HEATR1: variants seen among roughly 807,000 people sequenced by gnomAD.
HEATR1 encodes the protein HEAT repeat-containing protein 1.
HEATR1 carries 77 observed loss-of-function variants against 248.2 expected under a neutral mutation model. The ratio of observed to expected loss-of-function variants is 0.31; its 90% CI spans 0.26 to 0.37. The LOEUF is 0.37. HEATR1 is among the 10% of genes least tolerant of loss of function. The pLI is 1.00. For missense variants in HEATR1, 2,420 were observed against 2,504.9 expected, an observed-to-expected ratio of 0.97 and a Z score of 0.72; for synonymous variants, 897 against 923.1, an observed-to-expected ratio of 0.97 and a Z score of 0.51.
chr1:236,586,291 G>T lies in HEATR1; in HGVS notation c.1877C>A (p.Ser626Ter). ...GTGCAGGGAGCAGATTCCTGATTTT[G>T]ATAAATATATAGCAATTTTCATCTC... ...SAEMKIAIYL[S>*]KSGICSLHPL... Residue 626 changes from serine (S) to a stop codon, truncating the protein, a stop_gained, in exon 15 of 45, where the codon TCA becomes TAA. Transcript: ENST00000366582. LOFTEE classifies it high-confidence loss of function. 6.2e-7 allele frequency: 1 copy of T among 1,613,296 alleles called. No homozygotes were observed. The highest frequency in any genetic ancestry group is 8.5e-7 in the Non-Finnish European group (1 of 1,179,584).
intron 42 of HEATR1, 66 bp from the exon 43 acceptor site, chr1:236,553,805 T>C: frequency 2.1e-6 from 3 of 1,463,332 alleles, no homozygotes; most frequent in Non-Finnish European, 1.9e-6. Context: ...TGAAAAAATA[T>C]CCAACATACA....
At chr1:236,578,127 G>A (rs57281383) in intron 20 of HEATR1, among the ~76,000 whole-genome samples, 10,277 of 152,200 alleles carry the variant, frequency 0.068, 514 homozygotes, top group East Asian at 0.14. Flanking sequence ...TTTAGAGGGA[G>A]AGATCATATG....
intron 11 of HEATR1, 78 bp downstream of exon 11, chr1:236,591,915 A>C: frequency 1.2e-6 from 1 of 843,084 alleles, no homozygotes; most frequent in Non-Finnish European, 1.9e-6. Context: ...AAAAAGTGGC[A>C]AATTTCCTTC....
At chr1:236,587,316 T>TA (rs927416077) in intron 14 of HEATR1, 86 bp downstream of exon 14, 44,447 of 445,656 alleles carry the variant, frequency 0.1, 9 homozygotes, top group East Asian at 0.15. Context: ...ATCAAAGCCT[T>TA]AAAAAAAAAA....
intron 9 of HEATR1, among the ~76,000 whole-genome samples, chr1:236,593,221 C>G (rs1264280642): frequency 2.0e-5 from 3 of 151,470 alleles, no homozygotes; most frequent in African/African-American, 7.3e-5. Context: ...GGAAAAGAAA[C>G]TAGAGTGTAA....
intron 11 of HEATR1, among the ~76,000 whole-genome samples, 157 bp from the exon 12 acceptor site, chr1:236,591,111 T>C (rs1454245904): frequency 3.1e-5 from 4 of 129,356 alleles, no homozygotes; most frequent in Non-Finnish European, 6.8e-5. Flanking sequence ...AATCTTTGTT[T>C]CTAGAACATC....
intron 44 of HEATR1, 31 bp downstream of exon 44, chr1:236,551,968 G>A (rs1433816222): frequency 1.5e-6 from 2 of 1,361,610 alleles, no homozygotes; most frequent in Non-Finnish European, 2.1e-6. Flanking sequence ...TTCCTTAATT[G>A]TTTAATGGTT....
chr1:236,562,755 G>C (rs1361124782), intron 32 of HEATR1, among the ~76,000 whole-genome samples: 1 of 296 alleles, frequency 3.4e-3, no homozygotes, highest in South Asian at 0.5. Flanking sequence ...CGTAAACACA[G>C]TGTCTCTCTA....
intron 3 of HEATR1, among the ~76,000 whole-genome samples, chr1:236,600,118 A>ATTTTTTTTT: frequency 2.0e-5 from 1 of 50,286 alleles, no homozygotes; most frequent in Non-Finnish European, 3.4e-5. Flanking sequence ...GTCTGTCAAC[A>ATTTTTTTTT]TTTTTTTTTT....
At chr1:236,583,510 G>A (rs199969393) in intron 17 of HEATR1, among the ~76,000 whole-genome samples, 5 of 143,796 alleles carry the variant, frequency 3.5e-5, no homozygotes, top group Non-Finnish European at 6.0e-5. Flanking sequence ...TTTTTGAGAC[G>A]GAGTCTTGCT....
intron 14 of HEATR1, among the ~76,000 whole-genome samples, chr1:236,587,001 A>G (rs773090262): frequency 6.6e-6 from 1 of 152,154 alleles, no homozygotes; most frequent in Non-Finnish European, 1.5e-5. Context: ...AGAGCTCATT[A>G]AAAACTTACC....
chr1:236,559,178 T>TAA, intron 34 of HEATR1, 43 bp from the exon 35 acceptor site: 8 of 1,347,218 alleles, frequency 5.9e-6, no homozygotes, highest in East Asian at 5.1e-5. Context: ...AAAAACAAAT[T>TAA]AAAAAAAAAA....
chr1:236,593,740 C>T (rs1664104006), intron 9 of HEATR1, among the ~76,000 whole-genome samples: 1 of 152,142 alleles, frequency 6.6e-6, no homozygotes, highest in African/African-American at 2.4e-5. Context: ...GAGAAAACTT[C>T]AAACGGCCAC....
At chr1:236,604,275 C>T (rs1040482670) in intron 1 of HEATR1, 147 bp downstream of exon 1, 4 of 562,936 alleles carry the variant, frequency 7.1e-6, no homozygotes, top group Non-Finnish European at 1.2e-5. Context: ...AAGACGATGG[C>T]AGCAGCGTTA....
intron 19 of HEATR1, among the ~76,000 whole-genome samples, chr1:236,581,923 T>C (rs547107137): frequency 2.3e-4 from 35 of 152,326 alleles, no homozygotes; most frequent in Admixed American, 2.2e-3. Flanking sequence ...TTAAATATAG[T>C]AATGGGCCTA....
rs12758794 is a variant in HEATR1 at position 236,579,902 on chromosome 1, C to T, written c.2755+1320G>A. Reference sequence around the variant, plus strand: ...GATCATCTAACTTGCTTTCACAGAACATTTACAAAGAGTAATTTTGGAATT... The same window carrying T: ...GATCATCTAACTTGCTTTCACAGAATATTTACAAAGAGTAATTTTGGAATT... On this transcript the variant is annotated intron_variant, in intron 20 of 44. Coordinates refer to ENST00000366582, the MANE Select transcript of HEATR1 (RefSeq NM_018072.6). Among the ~76,000 whole-genome samples, 883 of 150,432 alleles carry T rather than the reference C, an allele frequency of 5.9e-3. 5 individuals carry two copies. Among genetic ancestry groups the T allele is most frequent in the Non-Finnish European group, 1.0e-2 (676 of 67,702 alleles).
rs761992655 is a variant in HEATR1 at position 236,552,103 on chromosome 1, C to T, written c.6242G>A (p.Arg2081Gln). Residue 2081 changes from arginine (R) to glutamine (Q), a missense_variant, in exon 44 of 45, where the codon CGA becomes CAA. By Grantham distance (43) the Arg-to-Gln change is conservative (BLOSUM62 1). Coordinates refer to ENST00000366582, the MANE Select transcript of HEATR1 (RefSeq NM_018072.6). ...TAACACAGTAATCAAAGCAGCAAAT[C>T]GAACCTGAAAGGGATAAAAGAGCAA... ...LKTRDSSPKV[R>Q]FAALITVLAL... 16 of 1,604,692 alleles carry T rather than the reference C, an allele frequency of 1.0e-5. No homozygotes were observed. The highest frequency in any genetic ancestry group is 3.3e-5 in the Admixed American group (2 of 59,814).
rs142066219 is a variant in HEATR1, at chr1:236,577,551, C to T, written c.2756-602G>A. Among the ~76,000 whole-genome samples the T allele has an allele frequency of 1.9e-3, 290 of 150,350 alleles. 3 individuals are homozygous for T. Among genetic ancestry groups the T allele is most frequent in the African/African-American group, 6.8e-3 (276 of 40,856 alleles). On this transcript the variant is annotated intron_variant, in intron 20 of 44. Transcript: ENST00000366582. ...TTGCCCAGGCTGGAGTGCAATGGCACGATCTCGGCTCACTGCAACCTCTGC... is the reference window on the plus strand; with the variant it reads ...TTGCCCAGGCTGGAGTGCAATGGCATGATCTCGGCTCACTGCAACCTCTGC...
At chr1:236,557,404 G>A (rs1663007803) in intron 36 of HEATR1, 59 bp from the exon 37 acceptor site, 37 of 1,564,444 alleles carry the variant, frequency 2.4e-5, no homozygotes, top group Non-Finnish European at 3.2e-5. Context: ...CTAGGGAATG[G>A]AGTAGAGGGC....
Sources: allele counts gnomAD v4.1 joint callset (sites outside exome capture counted in the v4.1 genomes callset), GRCh38; gene constraint gnomAD v4.1.1; transcripts MANE v1.5; gene names NCBI Gene and HGNC (gene_info 2026-07-23, HGNC 2026-07-21).